LHX9: variants seen among roughly 807,000 people sequenced by gnomAD.
The protein encoded by LHX9 is LIM homeobox 9.
LHX9 carries 9 observed loss-of-function variants against 36.5 expected under a neutral mutation model. The observed-to-expected ratio is 0.25, with a 90% CI of 0.15 to 0.43. LHX9 has a LOEUF of 0.43. LHX9 is among the 20% of genes least tolerant of loss of function. The pLI is 1.00. For missense variants in LHX9, 464 were observed against 526.4 expected (o/e 0.88, Z 1.16); for synonymous variants, 211 against 212.1 (o/e 0.99, Z 0.04).
Position 197,931,591 on chromosome 1 carries a change from A to AAAT in LHX9, c.*2334_*2336dup, listed in dbSNP as rs1221594461. 2 of 223,004 alleles carry AAAT rather than the reference A, an allele frequency of 9.0e-6. No individual in the cohort carries two copies. Among genetic ancestry groups the AAAT allele is most frequent in the African/African-American group, 4.5e-5 (2 of 44,294 alleles). The allele number at this position is 223,004 out of a possible 1,614,324, so 13.8% of individuals were successfully genotyped here. On this transcript the variant is annotated 3_prime_UTR_variant, in exon 5 of 5. Transcript: ENST00000367387. ...CATTGTTAGAAATATTTAAACATACAAATAGTTTTTAGACTTCCAAACTTC... is the reference window on the plus strand; with the variant it reads ...CATTGTTAGAAATATTTAAACATACAAATAATAGTTTTTAGACTTCCAAACTTC...
At chr1:197,928,663 A>G (rs1660220348) in intron 4 of LHX9, among the ~76,000 whole-genome samples, 1 of 152,126 alleles carries the variant, frequency 6.6e-6, no homozygotes, top group South Asian at 2.1e-4. Flanking sequence ...TTGAGGAATC[A>G]CCGTGTATTT....
intron 4 of LHX9, among the ~76,000 whole-genome samples, chr1:197,928,688 C>T (rs575185657): frequency 6.6e-6 from 1 of 152,176 alleles, no homozygotes; most frequent in South Asian, 2.1e-4. Flanking sequence ...CTTTTTATCA[C>T]CATGTGTTCA....
intron 1 of LHX9, chr1:197,918,223 C>T: frequency 1.4e-6 from 1 of 710,748 alleles, no homozygotes; most frequent in Non-Finnish European, 2.6e-6. Context: ...CAGCTGATTC[C>T]GAAAGAGCAG....
At chr1:197,914,816 C>A (rs1242738019), upstream of LHX9, among the ~76,000 whole-genome samples, 1 of 152,126 alleles carries the variant, frequency 6.6e-6, no homozygotes, top group African/African-American at 2.4e-5. Flanking sequence ...TAGCAAATGC[C>A]ACTGGATGCA....
Position 197,921,371 on chromosome 1 carries a change from G to T in LHX9, c.445G>T (p.Ala149Ser). The change falls in exon 3 of 5, where the codon GCC becomes TCC. Residue 149 changes from alanine (A) to serine (S), a missense_variant. This residue lies in a region of LHX9 where 93 missense variants were observed against 150.3 expected (regional missense o/e 0.62). Transcript: ENST00000367387. This position sits in a 1 kb window ranked among gnomAD's most constrained non-coding sequence, Gnocchi z 4.6. ...GISASEMVMR[A>S]RDSVYHLSCF... ...TTCCGCCTCGGAGATGGTCATGCGC[G>T]CCCGAGACTCTGTCTACCACCTGAG... The T allele has an allele frequency of 3.1e-6, 5 of 1,614,128 alleles. No homozygotes were observed. Among genetic ancestry groups the T allele is most frequent in the Non-Finnish European group, 3.4e-6 (4 of 1,180,030 alleles).
chr1:197,917,318 A>G (rs1487729289), upstream of LHX9: 1 of 1,252,368 alleles, frequency 8.0e-7, no homozygotes, highest in African/African-American at 1.6e-5. Context: ...CTAAATTATC[A>G]AAAATGGGCT....
rs1386251650 is a variant in LHX9 at position 197,929,404 on chromosome 1, G to A, written c.*145G>A. 1 of 1,169,776 alleles carries A rather than the reference G, an allele frequency of 8.5e-7. No individual in the cohort carries two copies. Among genetic ancestry groups the A allele is most frequent in the Non-Finnish European group, 1.0e-6 (1 of 953,688 alleles). The allele number at this position is 1,169,776 out of a possible 1,614,324, so 72.5% of individuals were successfully genotyped here. ...AATAAAAATAACAGCTTGGTGTGTAGCATCTGCAGCCACTTGGCAAATGAG... is the reference window on the plus strand; with the variant it reads ...AATAAAAATAACAGCTTGGTGTGTAACATCTGCAGCCACTTGGCAAATGAG... On this transcript the variant is annotated 3_prime_UTR_variant, in exon 5 of 5. Coordinates refer to ENST00000367387, the MANE Select transcript of LHX9 (RefSeq NM_020204.3).
rs1659811979 is a variant in LHX9 at position 197,917,681 on chromosome 1, G to A, written c.-143G>A. The A allele has an allele frequency of 1.3e-6, 2 of 1,567,120 alleles. No individual in the cohort carries two copies. The highest frequency in any genetic ancestry group is 2.3e-5 in the East Asian group (1 of 43,994). On this transcript the variant is annotated 5_prime_UTR_variant, in exon 1 of 5. Transcript: ENST00000367387. ...TTCCCCTCGGCCCCCCAAGCAGACC[G>A]ATTTCCACTCCATCTGTTTCTTCTC...
chr1:197,925,849 G>A (rs895141378), intron 3 of LHX9, among the ~76,000 whole-genome samples: 7 of 152,164 alleles, frequency 4.6e-5, no homozygotes, highest in African/African-American at 1.7e-4. Flanking sequence ...ATACTCACTT[G>A]TAATTTACTG....
At position 197,929,548 on chromosome 1, in the gene LHX9, C is replaced by G; in HGVS notation, c.*289C>G. 1 of 942,646 alleles carries G rather than the reference C, an allele frequency of 1.1e-6. No homozygotes were observed. Among genetic ancestry groups the G allele is most frequent in the African/African-American group, 1.8e-5 (1 of 56,464 alleles). The allele number at this position is 942,646 out of a possible 1,614,324, so 58.4% of individuals were successfully genotyped here. On this transcript the variant is annotated 3_prime_UTR_variant, in exon 5 of 5. Coordinates refer to ENST00000367387, the MANE Select transcript of LHX9 (RefSeq NM_020204.3). ...AGTTTTTGAATAATTCTAATAAGTG[C>G]CTCTTAAAATTGTATGTTACTTATT... is the stretch of plus-strand genomic sequence containing the variant.
chr1:197,921,274 T>C lies in LHX9; in HGVS notation c.378-30T>C, dbSNP rs1659975839. 1 of 1,581,804 alleles carries C rather than the reference T, an allele frequency of 6.3e-7. No homozygotes were observed. Among genetic ancestry groups the C allele is most frequent in the East Asian group, 2.2e-5 (1 of 44,624 alleles). The stretch of plus-strand genomic sequence containing the variant: ...GGATATGGCTCTGCCTTGCTTCAAC[T>C]AGCGCCCTGACTCAACTCTTTCCTT... On this transcript the variant is annotated intron_variant, in intron 2 of 4. Transcript: ENST00000367387. This position sits in a 1 kb window ranked among gnomAD's most constrained non-coding sequence, Gnocchi z 4.6.
chr1:197,917,875 C>G lies in LHX9; in HGVS notation c.52C>G (p.Pro18Ala), dbSNP rs757576735. The G allele has an allele frequency of 1.2e-6, 2 of 1,614,248 alleles. No homozygotes were observed. Among genetic ancestry groups the G allele is most frequent in the Admixed American group, 3.3e-5 (2 of 60,028 alleles). Residue 18 changes from proline (P) to alanine (A), a missense_variant, in exon 1 of 5, where the codon CCA becomes GCA. Coordinates refer to ENST00000367387, the MANE Select transcript of LHX9 (RefSeq NM_020204.3). ...AEDNSCPFRP[P>A]AMLFHGISGG... ...AGACAACTCGTGTCCTTTCCGCCCC[C>G]CAGCCATGCTCTTTCACGGGATCTC... is the stretch of plus-strand genomic sequence containing the variant.
rs1660272749 is a variant in LHX9 at position 197,929,714 on chromosome 1, T to C, written c.*455T>C. On this transcript the variant is annotated 3_prime_UTR_variant, in exon 5 of 5. Transcript: ENST00000367387. Reference sequence around the variant, plus strand: ...AATCTTGCAATTGTATGTGTGATTATGGAGTTTTGAAAACGTTACATTTTT... The same window carrying C: ...AATCTTGCAATTGTATGTGTGATTACGGAGTTTTGAAAACGTTACATTTTT... The C allele has an allele frequency of 9.6e-6, 9 of 941,182 alleles. No individual in the cohort carries two copies. Among genetic ancestry groups the C allele is most frequent in the Middle Eastern group, 5.4e-4 (1 of 1,842 alleles). 58.3% of individuals were successfully genotyped at this position (941,182 alleles called of 1,614,324 possible). A position where few individuals can be genotyped will look rare whatever the true frequency, so the allele number is the denominator to read the frequency against.
chr1:197,935,258 TAAC>T lies in LHX9; in HGVS notation c.*6002_*6004del, dbSNP rs1225157728. On this transcript the variant is annotated 3_prime_UTR_variant, in exon 5 of 5. Transcript: ENST00000367387. ...CATTACATTTTATCTTGTGCTAAGATAACAAAAAGCAAGCAAGAATAAAGATCC... is the reference window on the plus strand; with the variant it reads ...CATTACATTTTATCTTGTGCTAAGATAAAAAGCAAGCAAGAATAAAGATCC... 1 of 152,144 alleles carries T rather than the reference TAAC, an allele frequency of 6.6e-6. No homozygotes were observed. Among genetic ancestry groups the T allele is most frequent in the Admixed American group, 6.5e-5 (1 of 15,274 alleles). 9.4% of individuals were successfully genotyped at this position (152,144 alleles called of 1,614,324 possible).
intron 3 of LHX9, among the ~76,000 whole-genome samples, chr1:197,923,494 C>CCA (rs2102598017): frequency 3.9e-5 from 2 of 50,940 alleles, no homozygotes; most frequent in Admixed American, 5.6e-4. Context: ...GCCCTAATTC[C>CCA]CAGAGAGAGA....
At chr1:197,928,833 A>G (rs1033921125) in intron 4 of LHX9, among the ~76,000 whole-genome samples, 169 bp from the exon 5 acceptor site, 3 of 152,082 alleles carry the variant, frequency 2.0e-5, no homozygotes, top group African/African-American at 7.2e-5. Context: ...AGAAAAGAAA[A>G]AAAAGCCCCT....
At chr1:197,916,771 T>C, upstream of LHX9, 1 of 702,896 alleles carries the variant, frequency 1.4e-6, no homozygotes, top group South Asian at 1.5e-5. Context: ...AGAGATGAAT[T>C]GTCAGACAGC....
intron 1 of LHX9, chr1:197,918,607 G>A: frequency 1.8e-6 from 1 of 552,022 alleles, no homozygotes. Flanking sequence ...CGGGTGTCAT[G>A]TGTAGGGGGA....
chr1:197,929,523 A>G lies in LHX9; in HGVS notation c.*264A>G, dbSNP rs1443225423. The G allele has an allele frequency of 1.0e-6, 1 of 959,338 alleles. No homozygotes were observed. The highest frequency in any genetic ancestry group is 1.2e-6 in the Non-Finnish European group (1 of 801,074). The allele number at this position is 959,338 out of a possible 1,614,324, so 59.4% of individuals were successfully genotyped here. ...ATTAGGTCTTTCAGTTGGTAAGGAG[A>G]GTTTTTGAATAATTCTAATAAGTGC... On this transcript the variant is annotated 3_prime_UTR_variant, in exon 5 of 5. Transcript: ENST00000367387.
Sources: allele counts gnomAD v4.1 joint callset (sites outside exome capture counted in the v4.1 genomes callset), GRCh38; gene constraint gnomAD v4.1.1; regional missense constraint gnomAD v4.1.1; non-coding constraint Gnocchi (gnomAD v3.1); transcripts MANE v1.5; gene names NCBI Gene and HGNC (gene_info 2026-07-23, HGNC 2026-07-21).